Variants in STAT4 observed in about 807,000 individuals in gnomAD.
STAT4 encodes signal transducer and activator of transcription 4.
Under a neutral mutation model 110.5 loss-of-function variants are expected in STAT4, and 42 were observed. That is an observed-to-expected ratio of 0.38 (90% CI 0.30 to 0.49). The LOEUF (loss-of-function observed/expected upper bound fraction) is 0.49. Among genes scored for constraint, STAT4 ranks in the 20% least tolerant of loss-of-function variants. The pLI, the probability that STAT4 is intolerant of heterozygous loss-of-function variation, is 0.95. For missense variants in STAT4, 632 were observed against 887.9 expected, an observed-to-expected ratio of 0.71 and a Z score of 3.66; for synonymous variants, 284 against 302.2, an observed-to-expected ratio of 0.94 and a Z score of 0.63.
At chr2:191,073,231 G>C (rs1559054582) in intron 4 of STAT4, 41 bp from the exon 5 acceptor site, 2 of 1,562,970 alleles carry the variant, frequency 1.3e-6, no homozygotes, top group African/African-American at 1.4e-5. Flanking sequence ...GTTTTGAAAA[G>C]GTTTATGATG....
rs1010024417 is a variant in STAT4, at chr2:191,150,331, G to C, written c.-2+616C>G. Among the ~76,000 whole-genome samples the C allele has an allele frequency of 1.3e-5, 2 of 152,090 alleles. No homozygotes were observed. The highest frequency in any genetic ancestry group is 2.4e-5 in the African/African-American group (1 of 41,396). ...GGTTTCTTTGCTTTCACTCTCTAGG[G>C]GCTACTTCTTTCTCATGAAAACTGT... On this transcript the variant is annotated intron_variant, in intron 1 of 23. Transcript: ENST00000392320. The surrounding 1 kb of genome is among the most constrained non-coding windows in gnomAD (Gnocchi z 6.4).
At chr2:191,105,204 G>A (rs991657036) in intron 3 of STAT4, among the ~76,000 whole-genome samples, 3 of 152,082 alleles carry the variant, frequency 2.0e-5, no homozygotes, top group East Asian at 1.9e-4. Flanking sequence ...CATCTTCCTC[G>A]TTCCCTGCTT....
Position 191,062,664 on chromosome 2 carries a change from A to G in STAT4, c.941+98T>C. On this transcript the variant is annotated intron_variant, in intron 9 of 23. Transcript: ENST00000392320. This position sits in a 1 kb window ranked among gnomAD's most constrained non-coding sequence, Gnocchi z 4.9. The stretch of plus-strand genomic sequence containing the variant: ...CACTTCTCCCTGAGGCTCGTTGTTG[A>G]ATACTTCCCTGCCACTCTTCCACCT... 7.3e-7 allele frequency: 1 copy of G among 1,365,072 alleles called. No homozygotes were observed. Among genetic ancestry groups the G allele is most frequent in the East Asian group, 2.4e-5 (1 of 41,626 alleles). The allele number at this position is 1,365,072 out of a possible 1,614,324, so 84.6% of individuals were successfully genotyped here.
Position 191,138,437 on chromosome 2 carries a change from C to T in STAT4, c.273+8176G>A, listed in dbSNP as rs1427426641. Reference sequence around the variant, plus strand: ...CGAGAAATGAAACTACAGCCAATACCGCAGAAATACAAAAGATTAGCTAAG... The same window carrying T: ...CGAGAAATGAAACTACAGCCAATACTGCAGAAATACAAAAGATTAGCTAAG... On this transcript the variant is annotated intron_variant, in intron 3 of 23. Coordinates refer to ENST00000392320, the MANE Select transcript of STAT4 (RefSeq NM_003151.4). This position sits in a 1 kb window ranked among gnomAD's most constrained non-coding sequence, Gnocchi z 4.3. Among the ~76,000 whole-genome samples, 1 of 151,876 alleles carries T rather than the reference C, an allele frequency of 6.6e-6. No individual in the cohort carries two copies. The highest frequency in any genetic ancestry group is 6.6e-5 in the Admixed American group (1 of 15,258).
chr2:191,074,295 C>T (rs138324598), intron 4 of STAT4, among the ~76,000 whole-genome samples: 2,459 of 152,154 alleles, frequency 0.016, 46 homozygotes, highest in Non-Finnish European at 0.019. Flanking sequence ...AACTAAAATC[C>T]GCAGCAAATT....
In STAT4 at chr2:191,046,098, C is replaced by G. The variant is rs968484672; in HGVS notation, c.1252-4950G>C. On this transcript the variant is annotated intron_variant, in intron 14 of 23. Coordinates refer to ENST00000392320, the MANE Select transcript of STAT4 (RefSeq NM_003151.4). This position sits in a 1 kb window ranked among gnomAD's most constrained non-coding sequence, Gnocchi z 4.6. ...AGACAACTGAAGAATCTACAACTTCCACTTCATGTTCACTAATGGGGGTGC... is the reference window on the plus strand; with the variant it reads ...AGACAACTGAAGAATCTACAACTTCGACTTCATGTTCACTAATGGGGGTGC... Among the ~76,000 whole-genome samples the G allele has an allele frequency of 2.6e-5, 4 of 152,180 alleles. No individual in the cohort carries two copies. Among genetic ancestry groups the G allele is most frequent in the African/African-American group, 9.7e-5 (4 of 41,446 alleles).
At chr2:191,103,020 T>C (rs1435384741) in intron 3 of STAT4, among the ~76,000 whole-genome samples, 2 of 152,196 alleles carry the variant, frequency 1.3e-5, no homozygotes, top group East Asian at 3.8e-4. Flanking sequence ...CATAGAATCC[T>C]TTCCTATCCT....
chr2:191,151,082 C>T, upstream of STAT4: 6 of 985,478 alleles, frequency 6.1e-6, no homozygotes, highest in Non-Finnish European at 7.2e-6. The surrounding 1 kb of genome is among the most constrained non-coding windows in gnomAD (Gnocchi z 4.7). Flanking sequence ...TGAGGCTTTC[C>T]TGTGCGTCAG....
chr2:191,050,252 G>A lies in STAT4; in HGVS notation c.1251+4238C>T, dbSNP rs1696482363. On this transcript the variant is annotated intron_variant, in intron 14 of 23. Transcript: ENST00000392320. This position sits in a 1 kb window ranked among gnomAD's most constrained non-coding sequence, Gnocchi z 4.3. Reference sequence around the variant, plus strand: ...CTCTAGCTGGCTCCCTGCTAGATAAGTACCTCCAGGGAAAGGTTGCTTCCT... The same window carrying A: ...CTCTAGCTGGCTCCCTGCTAGATAAATACCTCCAGGGAAAGGTTGCTTCCT... 6.6e-6 allele frequency among the ~76,000 whole-genome samples: 1 copy of A among 152,192 alleles called. No individual in the cohort carries two copies. Among genetic ancestry groups the A allele is most frequent in the South Asian group, 2.1e-4 (1 of 4,826 alleles).
chr2:191,147,704 A>G lies in STAT4; in HGVS notation c.128+372T>C, dbSNP rs1206259873. Among the ~76,000 whole-genome samples, 2 of 152,236 alleles carry G rather than the reference A, an allele frequency of 1.3e-5. No homozygotes were observed. The highest frequency in any genetic ancestry group is 4.8e-5 in the African/African-American group (2 of 41,464). On this transcript the variant is annotated intron_variant, in intron 2 of 23. Coordinates refer to ENST00000392320, the MANE Select transcript of STAT4 (RefSeq NM_003151.4). This position sits in a 1 kb window ranked among gnomAD's most constrained non-coding sequence, Gnocchi z 4.1. ...ATAAAAAAGATGGCTGAAAAAAATT[A>G]AATGGTATAAGGTGAATAGAGCTTT...
intron 3 of STAT4, among the ~76,000 whole-genome samples, chr2:191,125,880 A>G (rs1698868373): frequency 6.6e-6 from 1 of 152,160 alleles, no homozygotes; most frequent in East Asian, 1.9e-4. Context: ...CAGTAATGAA[A>G]GGTCAGAGGG....
chr2:191,056,884 G>A (rs1015219290), intron 13 of STAT4, among the ~76,000 whole-genome samples: 4 of 148,962 alleles, frequency 2.7e-5, no homozygotes, highest in African/African-American at 1.0e-4. Context: ...CCGGGTTCAA[G>A]CGATTCTCCT....
rs368460326 is a variant in STAT4 at position 191,043,316 on chromosome 2, C to T, written c.1252-2168G>A. Among the ~76,000 whole-genome samples the T allele has an allele frequency of 4.0e-5, 6 of 151,204 alleles. No individual in the cohort carries two copies. The highest frequency in any genetic ancestry group is 9.7e-5 in the African/African-American group (4 of 41,116). On this transcript the variant is annotated intron_variant, in intron 14 of 23. Coordinates refer to ENST00000392320, the MANE Select transcript of STAT4 (RefSeq NM_003151.4). This position sits in a 1 kb window ranked among gnomAD's most constrained non-coding sequence, Gnocchi z 4.8. Reference sequence around the variant, plus strand: ...AACAAACAAAAAAATCCCACAAAGACGTCAAAAATAGAATAGAAAAGATAG... The same window carrying T: ...AACAAACAAAAAAATCCCACAAAGATGTCAAAAATAGAATAGAAAAGATAG...
chr2:191,145,599 G>T (rs1418410465), intron 3 of STAT4, among the ~76,000 whole-genome samples: 4 of 152,174 alleles, frequency 2.6e-5, no homozygotes, highest in Non-Finnish European at 5.9e-5. Context: ...ATTTACAGGG[G>T]ATTACAAGGG....
chr2:191,045,418 A>G (rs1287556267), intron 14 of STAT4, among the ~76,000 whole-genome samples: 1 of 152,198 alleles, frequency 6.6e-6, no homozygotes, highest in African/African-American at 2.4e-5. Context: ...GTGTATCCTC[A>G]TTGTGTTTAA....
chr2:191,105,292 A>C (rs938096243), intron 3 of STAT4, among the ~76,000 whole-genome samples: 3 of 152,200 alleles, frequency 2.0e-5, no homozygotes, highest in African/African-American at 7.2e-5. Flanking sequence ...GAATCATGCC[A>C]TTCCTCTACC....
At position 191,035,588 on chromosome 2, in the gene STAT4, T is replaced by C. The variant is rs559201195; in HGVS notation, c.1570+576A>G. Among the ~76,000 whole-genome samples the C allele has an allele frequency of 6.6e-5, 10 of 152,356 alleles. No individual in the cohort carries two copies. In the East Asian group the frequency reaches 1.5e-3, roughly 23 times the overall value. On this transcript the variant is annotated intron_variant, in intron 17 of 23. Coordinates refer to ENST00000392320, the MANE Select transcript of STAT4 (RefSeq NM_003151.4). The surrounding 1 kb of genome is among the most constrained non-coding windows in gnomAD (Gnocchi z 4.7). ...AAATGTTTGGATTATAGTTGGCACA[T>C]GTAGTACCAGTGACTCTATTTTGCA... is the stretch of plus-strand genomic sequence containing the variant.
rs888144912 is a variant in STAT4 at position 191,135,512 on chromosome 2, C to T, written c.273+11101G>A. On this transcript the variant is annotated intron_variant, in intron 3 of 23. Coordinates refer to ENST00000392320, the MANE Select transcript of STAT4 (RefSeq NM_003151.4). The surrounding 1 kb of genome is among the most constrained non-coding windows in gnomAD (Gnocchi z 4.8). ...TGTTTGAGATGGAGTCTCACTCTGTCGCCCAGGCTGGAGTGCAGTGGCGTG... is the reference window on the plus strand; with the variant it reads ...TGTTTGAGATGGAGTCTCACTCTGTTGCCCAGGCTGGAGTGCAGTGGCGTG... Among the ~76,000 whole-genome samples the T allele has an allele frequency of 1.3e-5, 2 of 152,136 alleles. No homozygotes were observed. Among genetic ancestry groups the T allele is most frequent in the East Asian group, 1.9e-4 (1 of 5,198 alleles).
chr2:191,148,806 TAA>T (rs1699521232), intron 1 of STAT4, among the ~76,000 whole-genome samples: 1 of 152,182 alleles, frequency 6.6e-6, no homozygotes, highest in African/African-American at 2.4e-5. Context: ...TTTTTTAAAT[TAA>T]AAATATTTCT....
Sources: gnomAD v4.1 joint callset for allele counts (sites outside exome capture counted in the v4.1 genomes callset) on GRCh38, gnomAD v4.1.1 for gene constraint, Gnocchi (gnomAD v3.1) non-coding constraint, MANE v1.5 for transcripts, NCBI Gene and HGNC (gene_info 2026-07-23, HGNC 2026-07-21) for gene names.